Variants in C17orf114 observed in about 807,000 individuals in gnomAD.
C17orf114 encodes the protein chromosome 17 open reading frame 114.
At chr17:4,801,413 G>A in exon 2 of C17orf114, 1 of 398,862 alleles carries the variant, frequency 2.5e-6, no homozygotes, top group Non-Finnish European at 4.4e-6. Flanking sequence ...CATGGTGGGG[G>A]CTATAGCTGG....
upstream of C17orf114, among the ~76,000 whole-genome samples, chr17:4,805,718 G>A (rs1465290842): frequency 1.3e-5 from 2 of 151,660 alleles, no homozygotes; most frequent in African/African-American, 2.4e-5. Context: ...TTGGAAGGCC[G>A]AGGAGGGCGG....
upstream of C17orf114, among the ~76,000 whole-genome samples, chr17:4,803,615 A>G (rs537268001): frequency 9.9e-5 from 15 of 150,944 alleles, no homozygotes; most frequent in Non-Finnish European, 1.3e-4. Flanking sequence ...TTTAGTAGAG[A>G]TGGGGTTTCA....
chr17:4,802,839 T>A (rs1380097843), upstream of C17orf114, among the ~76,000 whole-genome samples: 1 of 152,188 alleles, frequency 6.6e-6, no homozygotes, highest in Non-Finnish European at 1.5e-5. Context: ...GTTATGAAGA[T>A]GATTGTAATT....
chr17:4,802,540 T>C (rs1467147842), upstream of C17orf114, among the ~76,000 whole-genome samples: 2 of 151,976 alleles, frequency 1.3e-5, no homozygotes, highest in Non-Finnish European at 2.9e-5. Context: ...AATTTGGGGG[T>C]CCTTTCTGAT....
chr17:4,801,980 T>C (rs866118229), intron 1 of C17orf114, among the ~76,000 whole-genome samples: 48 of 152,156 alleles, frequency 3.2e-4, no homozygotes, highest in Middle Eastern at 3.4e-3. Context: ...CTACCCACCT[T>C]GGCCTCCCAA....
At chr17:4,801,503 T>G (rs920813334) in intron 1 of C17orf114, 48 bp from the exon 2 acceptor site, 1 of 398,278 alleles carries the variant, frequency 2.5e-6, no homozygotes, top group African/African-American at 2.1e-5. Context: ...GTTCACCTCC[T>G]CCCTCACCCC....
intron 1 of C17orf114, among the ~76,000 whole-genome samples, chr17:4,801,919 G>A (rs1905519595): frequency 6.6e-6 from 1 of 151,674 alleles, no homozygotes; most frequent in Non-Finnish European, 1.5e-5. Context: ...TTTAGTAGAG[G>A]TGGGTTTCAC....
At chr17:4,805,814 G>C (rs190925478), upstream of C17orf114, among the ~76,000 whole-genome samples, 7 of 152,108 alleles carry the variant, frequency 4.6e-5, no homozygotes, top group Non-Finnish European at 8.8e-5. Flanking sequence ...TTAGCTGGGC[G>C]TGGTGGCGGA....
Sources: allele counts gnomAD v4.1 joint callset (sites outside exome capture counted in the v4.1 genomes callset), GRCh38; gene constraint gnomAD v4.1.1; transcripts MANE v1.5; gene names NCBI Gene and HGNC (gene_info 2026-07-23, HGNC 2026-07-21).